The following MAPK14 variants were observed in gnomAD, a reference collection of about 807,000 sequenced individuals.
MAPK14 encodes CSAID-binding protein.
In MAPK14, 16 loss-of-function variants were observed where a neutral mutation model predicts 49.6. The ratio of observed to expected loss-of-function variants is 0.32; its 90% CI spans 0.22 to 0.49. The LOEUF (loss-of-function observed/expected upper bound fraction) is 0.49, where lower values mean the gene tolerates loss of function less well. Ranked by LOEUF, MAPK14 falls within the 20% of genes least tolerant of loss-of-function variation. MAPK14 has a pLI of 0.99. For missense variants in MAPK14, 200 were observed against 441.2 expected (o/e 0.45, Z 4.90); for synonymous variants, 142 against 158.0 (o/e 0.90, Z 0.76).
chr6:36,108,404 G>A lies in MAPK14; in HGVS notation c.1040G>A (p.Ser347Asn), dbSNP rs199703351. The A allele has an allele frequency of 4.3e-6, 7 of 1,614,038 alleles. No individual in the cohort carries two copies. The highest frequency in any genetic ancestry group is 5.9e-6 in the Non-Finnish European group (7 of 1,179,942). The change falls in exon 12 of 12, where the codon AGC becomes AAC. Residue 347 changes from serine to asparagine, a missense_variant. Ser to Asn is a conservative substitution (Grantham distance 46). Around this residue, in one of 2 missense-constraint regions of MAPK14, gnomAD observed 170 missense variants for 407.0 expected, o/e 0.42. Transcript: ENST00000229794. ...WKSLTYDEVI[S>N]FVPPPLDQEE... is the part of the protein sequence containing the mutation. ...GGCCTGACCTATGATGAAGTCATCA[G>A]CTTTGTGCCACCACCCCTTGACCAA...
Position 36,049,084 on chromosome 6 carries a change from A to G in MAPK14, c.117-3615A>G, listed in dbSNP as rs80211643. Among the ~76,000 whole-genome samples the G allele has an allele frequency of 1.7e-3, 256 of 152,276 alleles. 12 individuals are homozygous for G. In the East Asian group the frequency reaches 0.031, roughly 18 times the overall value. ...TCCAGGATGGACAGTATTTAGAGAA[A>G]GTGGTGACTATGTCAATTACTAATC... On this transcript the variant is annotated intron_variant, in intron 1 of 11. Transcript: ENST00000229794.
chr6:36,090,527 C>CTT (rs576947380), intron 8 of MAPK14, among the ~76,000 whole-genome samples: 17,915 of 136,216 alleles, frequency 0.13, 1,440 homozygotes, highest in African/African-American at 0.23. Flanking sequence ...CCCTCTCTCT[C>CTT]TTTTTTTTTT....
intron 1 of MAPK14, among the ~76,000 whole-genome samples, chr6:36,039,595 G>C (rs1410703900): frequency 6.6e-6 from 1 of 152,100 alleles, no homozygotes; most frequent in African/African-American, 2.4e-5. Context: ...AAGAAAAAAA[G>C]CATACCAGTT....
chr6:36,043,913 C>T (rs1390900490), intron 1 of MAPK14, among the ~76,000 whole-genome samples: 3 of 148,044 alleles, frequency 2.0e-5, no homozygotes, highest in Non-Finnish European at 4.4e-5. Context: ...CGGGTTCAAG[C>T]GATTCTCCTG....
chr6:36,092,193 G>A (rs529274600), intron 8 of MAPK14: 16 of 532,062 alleles, frequency 3.0e-5, no homozygotes, highest in South Asian at 1.4e-4. Flanking sequence ...CATTTTCTGC[G>A]TCATCTCCGT....
At position 36,081,806 on chromosome 6, in the gene MAPK14, T is replaced by A. The variant is rs955668342; in HGVS notation, c.682+5198T>A. Among the ~76,000 whole-genome samples the A allele has an allele frequency of 4.6e-5, 7 of 152,338 alleles. No homozygotes were observed. In the South Asian group the frequency reaches 1.2e-3, roughly 27 times the overall value. On this transcript the variant is annotated intron_variant, in intron 8 of 11. Transcript: ENST00000229794. ...GGCTTTAGAATTTTGATAGGGATTG[T>A]GTCAGATTTTTAGATCACTTTAAGT...
intron 8 of MAPK14, among the ~76,000 whole-genome samples, chr6:36,078,210 C>T (rs982774442): frequency 1.3e-5 from 2 of 152,064 alleles, no homozygotes; most frequent in African/African-American, 4.8e-5. Context: ...TTTCCTTAAC[C>T]GTAAAATGAT....
At chr6:36,082,716 C>A (rs1032187695) in intron 8 of MAPK14, among the ~76,000 whole-genome samples, 1 of 152,196 alleles carries the variant, frequency 6.6e-6, no homozygotes, top group Non-Finnish European at 1.5e-5. Context: ...AAGACCCTAA[C>A]ACCTTCAATC....
chr6:36,057,441 G>T (rs1763631109), intron 2 of MAPK14, among the ~76,000 whole-genome samples: 1 of 152,226 alleles, frequency 6.6e-6, no homozygotes, highest in African/African-American at 2.4e-5. Flanking sequence ...AGATCTGAAA[G>T]TGATTCTATT....
chr6:36,100,989 C>T (rs1282960106), intron 9 of MAPK14, among the ~76,000 whole-genome samples: 3 of 152,224 alleles, frequency 2.0e-5, no homozygotes. Flanking sequence ...ATAGTTCTCT[C>T]TTACCTGTTT....
At chr6:36,045,808 CAAAAAA>C (rs371920281) in intron 1 of MAPK14, among the ~76,000 whole-genome samples, 1 of 46,388 alleles carries the variant, frequency 2.2e-5, no homozygotes, top group Non-Finnish European at 4.6e-5. Context: ...GACTCTGTCT[CAAAAAA>C]AAAAAAAAAA....
chr6:36,058,905 G>A (rs1247668874), intron 2 of MAPK14, among the ~76,000 whole-genome samples: 6 of 145,128 alleles, frequency 4.1e-5, no homozygotes, highest in Admixed American at 1.4e-4. Context: ...TTTTGAGACA[G>A]AGTCTCACTC....
chr6:36,110,459 G>A lies in MAPK14; in HGVS notation c.*2012G>A, dbSNP rs200549420. 1 of 152,674 alleles carries A rather than the reference G, an allele frequency of 6.5e-6. No individual in the cohort carries two copies. The highest frequency in any genetic ancestry group is 1.9e-4 in the East Asian group (1 of 5,208). The allele number at this position is 152,674 out of a possible 1,614,324, so 9.5% of individuals were successfully genotyped here. A position where few individuals can be genotyped will look rare whatever the true frequency, so the allele number is the denominator to read the frequency against. ...CATGTTTGGTTGTAAATGCTCGTGT[G>A]ATTTCCTACAGAAATACTGCTCTGA... On this transcript the variant is annotated 3_prime_UTR_variant, in exon 12 of 12. Coordinates refer to ENST00000229794, the MANE Select transcript of MAPK14 (RefSeq NM_139012.3).
chr6:36,069,612 C>G (rs1764190915), intron 3 of MAPK14, among the ~76,000 whole-genome samples: 1 of 152,044 alleles, frequency 6.6e-6, no homozygotes, highest in Non-Finnish European at 1.5e-5. Context: ...CACCCTCGTT[C>G]TAAATTTTGG....
chr6:36,099,871 A>G (rs1345772956), intron 9 of MAPK14, among the ~76,000 whole-genome samples: 1 of 152,248 alleles, frequency 6.6e-6, no homozygotes, highest in African/African-American at 2.4e-5. Flanking sequence ...ACTTGAAAAC[A>G]GTTCTATGGC....
intron 8 of MAPK14, among the ~76,000 whole-genome samples, chr6:36,090,527 C>CT (rs576947380): frequency 0.056 from 7,678 of 136,282 alleles, 427 homozygotes; most frequent in African/African-American, 0.14. Flanking sequence ...CCCTCTCTCT[C>CT]TTTTTTTTTT....
At chr6:36,113,245 G>A (rs1766005659), downstream of MAPK14, among the ~76,000 whole-genome samples, 1 of 151,290 alleles carries the variant, frequency 6.6e-6, no homozygotes, top group Non-Finnish European at 1.5e-5. Flanking sequence ...GGGAGGCTGA[G>A]GTGGGAGGAT....
chr6:36,098,465 G>C (rs997205273), intron 9 of MAPK14, among the ~76,000 whole-genome samples: 2 of 152,158 alleles, frequency 1.3e-5, no homozygotes, highest in Non-Finnish European at 2.9e-5. Context: ...TCGAGGCCAG[G>C]AGTTTGAGGC....
At chr6:36,069,419 G>A (rs1255948976) in intron 3 of MAPK14, among the ~76,000 whole-genome samples, 2 of 152,130 alleles carry the variant, frequency 1.3e-5, no homozygotes, top group African/African-American at 4.8e-5. Flanking sequence ...AACAATTGGT[G>A]GTCATGGATT....
Sources: allele counts gnomAD v4.1 joint callset (sites outside exome capture counted in the v4.1 genomes callset), GRCh38; gene constraint gnomAD v4.1.1; regional missense constraint gnomAD v4.1.1; transcripts MANE v1.5; gene names NCBI Gene and HGNC (gene_info 2026-07-23, HGNC 2026-07-21).